Variants in KCNMA1 observed in about 807,000 individuals in gnomAD.
KCNMA1 encodes Calcium-activated potassium channel subunit alpha-1.
A neutral mutation model predicts 140.0 loss-of-function variants in KCNMA1; 29 were observed. The ratio of observed to expected loss-of-function variants is 0.21; its 90% confidence interval spans 0.15 to 0.28. KCNMA1 has a LOEUF of 0.28. Ranked by LOEUF, KCNMA1 falls within the 10% of genes least tolerant of loss-of-function variation. The probability of loss-of-function intolerance (pLI) is 1.00; values close to 1 mark genes in which losing one functional copy is unlikely to be tolerated. For synonymous variants in KCNMA1, 612 were observed against 611.9 expected, an observed-to-expected ratio of 1.00 and a Z score of 0.00; for missense variants, 880 against 1,602.2, an observed-to-expected ratio of 0.55 and a Z score of 7.70.
At chr10:77,455,340 C>T (rs1403410189) in intron 1 of KCNMA1, among the ~76,000 whole-genome samples, 2 of 152,144 alleles carry the variant, frequency 1.3e-5, no homozygotes, top group Admixed American at 6.5e-5. Flanking sequence ...AGACCCAAGC[C>T]TCTCCTGGCC....
At chr10:77,513,404 C>T (rs1297808490) in intron 1 of KCNMA1, among the ~76,000 whole-genome samples, 1 of 152,190 alleles carries the variant, frequency 6.6e-6, no homozygotes, top group East Asian at 1.9e-4. Flanking sequence ...TCACTGTCTC[C>T]CTGAGAGCAG....
intron 2 of KCNMA1, among the ~76,000 whole-genome samples, chr10:77,395,274 C>T (rs2096005512): frequency 1.3e-5 from 2 of 152,014 alleles, no homozygotes; most frequent in Non-Finnish European, 2.9e-5. Flanking sequence ...CGCTTGAACC[C>T]AGGAGTTTGA....
chr10:77,539,817 C>A (rs796967889), intron 1 of KCNMA1, among the ~76,000 whole-genome samples: 1 of 152,138 alleles, frequency 6.6e-6, no homozygotes, highest in Non-Finnish European at 1.5e-5. Flanking sequence ...CGTAATCTGC[C>A]CTTTGCATTG....
intron 23 of KCNMA1, among the ~76,000 whole-genome samples, chr10:76,934,160 T>C (rs1289138249): frequency 1.3e-5 from 2 of 152,182 alleles, no homozygotes; most frequent in African/African-American, 4.8e-5. Flanking sequence ...TTAATAGAGA[T>C]GGGGTTTCAC....
At chr10:77,457,725 G>A (rs1043409278) in intron 1 of KCNMA1, among the ~76,000 whole-genome samples, 4 of 151,998 alleles carry the variant, frequency 2.6e-5, no homozygotes, top group South Asian at 2.1e-4. Context: ...CCTCCAGCAC[G>A]GGCATTCTGA....
chr10:76,911,991 G>C (rs2050506905), intron 24 of KCNMA1: 1 of 152,208 alleles, frequency 6.6e-6, no homozygotes, highest in African/African-American at 2.4e-5. Flanking sequence ...GAGGTGAAGT[G>C]ACTCCAAGTA....
At chr10:77,328,441 C>G (rs1419229877) in intron 2 of KCNMA1, among the ~76,000 whole-genome samples, 3 of 152,206 alleles carry the variant, frequency 2.0e-5, no homozygotes, top group Non-Finnish European at 1.5e-5. Flanking sequence ...ATCATCCACT[C>G]TGATGTCAGC....
intron 1 of KCNMA1, among the ~76,000 whole-genome samples, chr10:77,456,486 G>A (rs1030431767): frequency 6.6e-6 from 1 of 152,156 alleles, no homozygotes; most frequent in Non-Finnish European, 1.5e-5. Context: ...TTTGTTTTCT[G>A]TTTCCACTTC....
intron 5 of KCNMA1, among the ~76,000 whole-genome samples, chr10:77,171,972 G>A (rs2098712444): frequency 6.6e-6 from 1 of 152,090 alleles, no homozygotes; most frequent in African/African-American, 2.4e-5. Flanking sequence ...ATCTTATAGA[G>A]GCAAGATCTA....
chr10:77,294,250 G>C (rs1334295524), intron 2 of KCNMA1, among the ~76,000 whole-genome samples: 1 of 152,222 alleles, frequency 6.6e-6, no homozygotes, highest in Non-Finnish European at 1.5e-5. Flanking sequence ...GTTTGCAGTG[G>C]CTCACCCAAT....
chr10:77,564,949 T>C (rs926107895), intron 1 of KCNMA1, among the ~76,000 whole-genome samples: 3 of 152,146 alleles, frequency 2.0e-5, no homozygotes, highest in Non-Finnish European at 2.9e-5. Context: ...GGCAGCTGCA[T>C]GCAGGATATG....
intron 14 of KCNMA1, among the ~76,000 whole-genome samples, chr10:77,061,520 T>C (rs892084398): frequency 6.6e-6 from 1 of 152,222 alleles, no homozygotes; most frequent in Admixed American, 6.5e-5. Flanking sequence ...ATGATAAGGA[T>C]GCGGAGCTAC....
At chr10:77,548,561 C>G (rs535023256) in intron 1 of KCNMA1, among the ~76,000 whole-genome samples, 113 of 152,306 alleles carry the variant, frequency 7.4e-4, no homozygotes, top group African/African-American at 2.0e-3. Context: ...ATGAAGCTGA[C>G]CTGGTGGCAG....
At chr10:76,878,547 G>A (rs555582811) in intron 29 of KCNMA1, among the ~76,000 whole-genome samples, 2 of 152,188 alleles carry the variant, frequency 1.3e-5, no homozygotes, top group African/African-American at 4.8e-5. Flanking sequence ...ATTTTGAGGT[G>A]GCTTTTATTT....
intron 1 of KCNMA1, among the ~76,000 whole-genome samples, chr10:77,410,157 C>T (rs967646139): frequency 1.3e-5 from 2 of 152,144 alleles, no homozygotes; most frequent in African/African-American, 4.8e-5. Flanking sequence ...AGGGCAGGTC[C>T]CCCGTTGTCA....
rs11002062 is a variant in KCNMA1 at position 77,170,559 on chromosome 10, A to G, written c.808+12862T>C. 4.3e-3 allele frequency among the ~76,000 whole-genome samples: 291 copies of G among 68,300 alleles called. 12 individuals are homozygous for G. Among genetic ancestry groups the G allele is most frequent in the African/African-American group, 0.013 (185 of 13,764 alleles). The allele number at this position is 68,300 out of a possible 152,430, so 44.8% of individuals were successfully genotyped here. ...GAGGCTCCATCCCTGGGAGAAGGTC[A>G]GAGGTGAGGCTCCATCCCTGGGAGA... On this transcript the variant is annotated intron_variant, in intron 5 of 27. Coordinates refer to ENST00000286628, the MANE Select transcript of KCNMA1 (RefSeq NM_001161352.2).
At chr10:76,996,784 TG>T (rs1250835199) in intron 19 of KCNMA1, among the ~76,000 whole-genome samples, 1 of 152,066 alleles carries the variant, frequency 6.6e-6, no homozygotes, top group Admixed American at 6.6e-5. Flanking sequence ...GTAGTGGTGG[TG>T]GAAAGAGGGG....
At chr10:77,291,525 A>G (rs1425833212) in intron 2 of KCNMA1, among the ~76,000 whole-genome samples, 1 of 152,260 alleles carries the variant, frequency 6.6e-6, no homozygotes, top group Non-Finnish European at 1.5e-5. Context: ...GAAAATTCAC[A>G]GAAAATCCAT....
chr10:77,223,174 C>T (rs747766620), intron 3 of KCNMA1, among the ~76,000 whole-genome samples: 9 of 151,474 alleles, frequency 5.9e-5, no homozygotes, highest in Admixed American at 1.3e-4. Flanking sequence ...GGTTGCAGTG[C>T]GCTGAGATCA....
Sources: allele counts gnomAD v4.1 joint callset (sites outside exome capture counted in the v4.1 genomes callset), GRCh38; gene constraint gnomAD v4.1.1; transcripts MANE v1.5; gene names NCBI Gene and HGNC (gene_info 2026-07-23, HGNC 2026-07-21).